Variants in RNGTT observed in about 807,000 individuals in gnomAD.
RNGTT encodes the protein RNA guanylyltransferase and 5'-phosphatase.
In RNGTT, 33 loss-of-function variants were observed where a neutral mutation model predicts 79.3. That is an observed-to-expected ratio of 0.42 (90% CI 0.32 to 0.56). The LOEUF (loss-of-function observed/expected upper bound fraction) is 0.56, where lower values mean the gene tolerates loss of function less well. Ranked by LOEUF, RNGTT falls within the 20% of genes least tolerant of loss-of-function variation. The pLI is 0.17. For missense variants in RNGTT, 497 were observed against 739.1 expected, an observed-to-expected ratio of 0.67 and a Z score of 3.80; for synonymous variants, 222 against 235.9, an observed-to-expected ratio of 0.94 and a Z score of 0.54.
At chr6:88,876,638 C>T (rs977466430) in intron 8 of RNGTT, among the ~76,000 whole-genome samples, 4 of 152,198 alleles carry the variant, frequency 2.6e-5, no homozygotes, top group African/African-American at 9.6e-5. Flanking sequence ...CATGAATGAA[C>T]AAAGAGACAA....
intron 8 of RNGTT, among the ~76,000 whole-genome samples, chr6:88,865,105 C>A (rs1782125881): frequency 6.6e-6 from 1 of 151,706 alleles, no homozygotes; most frequent in Non-Finnish European, 1.5e-5. Flanking sequence ...TAATTTACCA[C>A]AATTTTAAAA....
chr6:88,770,889 C>T (rs76385886), intron 12 of RNGTT, among the ~76,000 whole-genome samples: 2,519 of 152,128 alleles, frequency 0.017, 24 homozygotes, highest in Middle Eastern at 0.034. Context: ...TTGTTTATTG[C>T]TATCTGTATA....
intron 8 of RNGTT, among the ~76,000 whole-genome samples, chr6:88,870,055 A>G (rs1292592049): frequency 1.3e-5 from 2 of 152,172 alleles, no homozygotes; most frequent in African/African-American, 2.4e-5. Context: ...AATGAGTCCA[A>G]GGAAGCTCAC....
At chr6:88,939,759 C>A (rs952308406) in intron 2 of RNGTT, among the ~76,000 whole-genome samples, 2 of 149,950 alleles carry the variant, frequency 1.3e-5, no homozygotes, top group African/African-American at 4.9e-5. Context: ...TGGTGTAACA[C>A]TCACTTCTCC....
intron 12 of RNGTT, among the ~76,000 whole-genome samples, chr6:88,775,622 T>G (rs574384959): frequency 4.7e-4 from 71 of 152,190 alleles, no homozygotes; most frequent in Non-Finnish European, 8.1e-4. Flanking sequence ...AGGTACAGAA[T>G]TAGTTTATCA....
At chr6:88,786,534 A>G (rs1364361740) in intron 12 of RNGTT, among the ~76,000 whole-genome samples, 1 of 152,228 alleles carries the variant, frequency 6.6e-6, no homozygotes, top group African/African-American at 2.4e-5. Context: ...TAGGAGTCTA[A>G]TAAAACATAG....
chr6:88,926,465 T>G (rs1334988770), intron 4 of RNGTT, among the ~76,000 whole-genome samples: 9 of 152,234 alleles, frequency 5.9e-5, no homozygotes, highest in Admixed American at 5.9e-4. Context: ...TAACTTTCAT[T>G]GGGATTTTGG....
intron 11 of RNGTT, among the ~76,000 whole-genome samples, chr6:88,816,739 A>G (rs1264837630): frequency 6.6e-6 from 1 of 152,222 alleles, no homozygotes; most frequent in African/African-American, 2.4e-5. Flanking sequence ...CCCTAGAATC[A>G]GTAATAAAAC....
At chr6:88,906,527 T>A in intron 4 of RNGTT, 87 bp from the exon 5 acceptor site, 2 of 676,604 alleles carry the variant, frequency 3.0e-6, no homozygotes, top group Non-Finnish European at 4.9e-6. Flanking sequence ...AATCAAAACA[T>A]TTCAGCTAGT....
At chr6:88,760,243 G>A (rs1179257608) in intron 13 of RNGTT, among the ~76,000 whole-genome samples, 1 of 152,098 alleles carries the variant, frequency 6.6e-6, no homozygotes, top group Non-Finnish European at 1.5e-5. Flanking sequence ...TTTTTGGTAA[G>A]CGGCCTGGGA....
chr6:88,790,841 T>C (rs1310836076), intron 12 of RNGTT, among the ~76,000 whole-genome samples: 1 of 152,230 alleles, frequency 6.6e-6, no homozygotes, highest in African/African-American at 2.4e-5. Context: ...TTAAGGGTCC[T>C]AAACTTCTCA....
At chr6:88,671,067 C>T (rs1436207280) in intron 14 of RNGTT, among the ~76,000 whole-genome samples, 1 of 152,144 alleles carries the variant, frequency 6.6e-6, no homozygotes, top group African/African-American at 2.4e-5. Context: ...CCACTTTCAC[C>T]ACTTCTATTC....
intron 6 of RNGTT, among the ~76,000 whole-genome samples, chr6:88,901,743 G>A (rs1416907528): frequency 1.3e-5 from 2 of 151,866 alleles, no homozygotes; most frequent in East Asian, 3.9e-4. Context: ...TCCTGACCTC[G>A]TGATTCGCCC....
At chr6:88,889,727 C>G (rs1228465585) in intron 8 of RNGTT, among the ~76,000 whole-genome samples, 1 of 152,132 alleles carries the variant, frequency 6.6e-6, no homozygotes, top group South Asian at 2.1e-4. Context: ...TAAAATGTTG[C>G]TGAGGAAGAA....
At chr6:88,781,906 C>T (rs1779077167) in intron 12 of RNGTT, among the ~76,000 whole-genome samples, 1 of 151,996 alleles carries the variant, frequency 6.6e-6, no homozygotes, top group Non-Finnish European at 1.5e-5. Context: ...TTCACCCAGG[C>T]TATTGTGATC....
chr6:88,747,562 A>G (rs938561351), intron 13 of RNGTT, among the ~76,000 whole-genome samples: 7 of 152,196 alleles, frequency 4.6e-5, no homozygotes, highest in African/African-American at 1.7e-4. Flanking sequence ...CATTAATGGG[A>G]GCTTGTGAAG....
intron 2 of RNGTT, among the ~76,000 whole-genome samples, chr6:88,939,960 G>GCTGCCCA (rs1209742629): frequency 6.6e-6 from 1 of 150,834 alleles, no homozygotes; most frequent in Non-Finnish European, 1.5e-5. Flanking sequence ...GTCTCCCTAT[G>GCTGCCCA]CTGCCCACAC....
chr6:88,744,283 CAG>C (rs1204659875), intron 13 of RNGTT, among the ~76,000 whole-genome samples: 1 of 151,876 alleles, frequency 6.6e-6, no homozygotes, highest in African/African-American at 2.4e-5. Context: ...TTTTTTGAGA[CAG>C]AGTTTTGCTC....
Position 88,891,926 on chromosome 6 carries a change from A to G in RNGTT, c.685-11T>C, listed in dbSNP as rs745680127. 2 of 1,477,776 alleles carry G rather than the reference A, an allele frequency of 1.4e-6. No individual in the cohort carries two copies. The highest frequency in any genetic ancestry group is 4.5e-5 in the Admixed American group (2 of 44,496). 91.5% of individuals were successfully genotyped at this position (1,477,776 alleles called of 1,614,324 possible). On this transcript the variant is annotated splice_polypyrimidine_tract_variant and intron_variant, in intron 6 of 15. Transcript: ENST00000369485. ...CAAGAAAATAGCGCCCTTTAAAAAAAAAATAAGAAAAATAAGGGAAAGAAA... is the reference window on the plus strand; with the variant it reads ...CAAGAAAATAGCGCCCTTTAAAAAAGAAATAAGAAAAATAAGGGAAAGAAA...
Sources: gnomAD v4.1 joint callset for allele counts (sites outside exome capture counted in the v4.1 genomes callset) on GRCh38, gnomAD v4.1.1 for gene constraint, MANE v1.5 for transcripts, NCBI Gene and HGNC (gene_info 2026-07-23, HGNC 2026-07-21) for gene names.